Variants in CHN1 observed in about 807,000 individuals in gnomAD.
CHN1 encodes the protein chimerin 1.
A neutral mutation model predicts 59.5 loss-of-function variants in CHN1; 37 were observed. The observed-to-expected ratio is 0.62, with a 90% CI of 0.48 to 0.82. The LOEUF (loss-of-function observed/expected upper bound fraction) is 0.82. Among genes scored for constraint, CHN1 ranks in the 40% least tolerant of loss-of-function variants. CHN1 has a pLI of 0.00. For synonymous variants in CHN1, 206 were observed against 200.4 expected (o/e 1.03, Z -0.24); for missense variants, 469 against 571.0 (o/e 0.82, Z 1.82).
intron 3 of CHN1, among the ~76,000 whole-genome samples, chr2:174,939,303 G>A (rs963259581): frequency 6.6e-6 from 1 of 152,038 alleles, no homozygotes; most frequent in Non-Finnish European, 1.5e-5. Context: ...TTGATTTATC[G>A]TACCTTAATG....
chr2:174,931,130 T>TA (rs1408289171), intron 3 of CHN1, among the ~76,000 whole-genome samples: 2 of 114,504 alleles, frequency 1.7e-5, no homozygotes, highest in African/African-American at 7.6e-5. Flanking sequence ...AAGAAATATA[T>TA]GGCAAAAAAA....
chr2:174,909,757 G>T (rs1470833288), intron 5 of CHN1, among the ~76,000 whole-genome samples: 1 of 152,156 alleles, frequency 6.6e-6, no homozygotes, highest in African/African-American at 2.4e-5. Context: ...AATAACTTAT[G>T]TCTAAGTGAG....
At chr2:174,980,619 G>C (rs1691116196) in intron 1 of CHN1, among the ~76,000 whole-genome samples, 1 of 152,182 alleles carries the variant, frequency 6.6e-6, no homozygotes, top group Admixed American at 6.5e-5. Flanking sequence ...ATTCAGGTGA[G>C]ATATGCCTGG....
At chr2:174,805,066 G>T (rs1490693581) in intron 11 of CHN1, among the ~76,000 whole-genome samples, 1 of 152,148 alleles carries the variant, frequency 6.6e-6, no homozygotes, top group African/African-American at 2.4e-5. Context: ...AGACAAAATG[G>T]AATGTATTCA....
chr2:174,876,984 T>C (rs745457113), intron 6 of CHN1, among the ~76,000 whole-genome samples: 6 of 152,206 alleles, frequency 3.9e-5, no homozygotes, highest in Non-Finnish European at 7.3e-5. Flanking sequence ...TTGCATTTCT[T>C]TGGTTTAGCA....
At chr2:174,993,247 A>G (rs560939838) in intron 1 of CHN1, among the ~76,000 whole-genome samples, 61 of 151,062 alleles carry the variant, frequency 4.0e-4, no homozygotes, top group Admixed American at 7.3e-4. Flanking sequence ...CACCCCCACA[A>G]CCTGCTTCAT....
chr2:174,815,782 A>C (rs962713023), intron 8 of CHN1, among the ~76,000 whole-genome samples: 7 of 152,050 alleles, frequency 4.6e-5, no homozygotes, highest in Admixed American at 6.5e-5. Flanking sequence ...GTAATTCTGA[A>C]TGGTATCTTT....
At chr2:174,998,966 A>G (rs1691799123) in intron 1 of CHN1, among the ~76,000 whole-genome samples, 1 of 152,186 alleles carries the variant, frequency 6.6e-6, no homozygotes, top group Admixed American at 6.5e-5. Context: ...AAAGTGTACA[A>G]TGTAGTGGTT....
At chr2:174,804,492 C>G (rs1684824503) in intron 11 of CHN1, among the ~76,000 whole-genome samples, 1 of 152,178 alleles carries the variant, frequency 6.6e-6, no homozygotes, top group African/African-American at 2.4e-5. Flanking sequence ...TAGTGGAAAA[C>G]AGACTGTGGA....
intron 6 of CHN1, among the ~76,000 whole-genome samples, chr2:174,865,431 A>G (rs1324015925): frequency 6.6e-6 from 1 of 152,170 alleles, no homozygotes; most frequent in Non-Finnish European, 1.5e-5. Flanking sequence ...AAAATAGAGG[A>G]TGCACTATTA....
chr2:174,844,885 A>G (rs1321606733), intron 7 of CHN1, among the ~76,000 whole-genome samples: 20 of 152,208 alleles, frequency 1.3e-4, no homozygotes, highest in Non-Finnish European at 5.9e-5. Flanking sequence ...TTGAGCATAA[A>G]TACTCTAAGA....
intron 5 of CHN1, among the ~76,000 whole-genome samples, chr2:174,906,181 C>G (rs1220371204): frequency 2.0e-5 from 3 of 152,050 alleles, no homozygotes; most frequent in Admixed American, 6.5e-5. Flanking sequence ...TTCATAATAA[C>G]ATTATTTACA....
At chr2:174,824,555 G>A in intron 7 of CHN1, 37 bp from the exon 8 acceptor site, 2 of 1,356,754 alleles carry the variant, frequency 1.5e-6, no homozygotes, top group Non-Finnish European at 2.1e-6. Flanking sequence ...CAGGAAAGGG[G>A]AAACACACGG....
intron 3 of CHN1, among the ~76,000 whole-genome samples, chr2:174,922,539 A>T (rs920830400): frequency 1.3e-5 from 2 of 152,118 alleles, no homozygotes; most frequent in Admixed American, 1.3e-4. Context: ...AAATATTTTT[A>T]AATATTTTTT....
At chr2:174,976,848 C>T (rs1400633549) in intron 1 of CHN1, among the ~76,000 whole-genome samples, 1 of 152,158 alleles carries the variant, frequency 6.6e-6, no homozygotes, top group Non-Finnish European at 1.5e-5. Context: ...TATACACACA[C>T]CTGTCTTTGG....
At chr2:174,811,695 A>G in intron 9 of CHN1, 107 bp from the exon 10 acceptor site, 2 of 628,520 alleles carry the variant, frequency 3.2e-6, no homozygotes, top group Non-Finnish European at 5.5e-6. Flanking sequence ...TAAAATATAC[A>G]TGTTTAGAAA....
chr2:174,885,601 C>T (rs1187271772), intron 5 of CHN1, among the ~76,000 whole-genome samples: 2 of 151,996 alleles, frequency 1.3e-5, no homozygotes, highest in Non-Finnish European at 2.9e-5. Flanking sequence ...TTCAAGTAAT[C>T]CCGAGTAGCT....
At chr2:174,989,235 G>C (rs550486010) in intron 1 of CHN1, among the ~76,000 whole-genome samples, 21 of 151,926 alleles carry the variant, frequency 1.4e-4, no homozygotes, top group Non-Finnish European at 2.2e-4. Flanking sequence ...AATTAGCCAG[G>C]TGTGGTGGCG....
At position 174,808,912 on chromosome 2, in the gene CHN1, T is replaced by G; in HGVS notation, c.1095A>C (p.Glu365Asp). The G allele has an allele frequency of 6.2e-7, 1 of 1,613,670 alleles. No homozygotes were observed. Among genetic ancestry groups the G allele is most frequent in the Non-Finnish European group, 8.5e-7 (1 of 1,179,728 alleles). The stretch of plus-strand genomic sequence containing the variant: ...ACATGCATTCATACTTACTGGCAGA[T>G]TCTATAAACTTAGGGTAGGCATCAT... The part of the protein sequence containing the change: ...ITYDAYPKFI[E>D]SAKIMDPDEQ... Residue 365 changes from glutamate (E) to aspartate (D), a missense_variant, in exon 11 of 13, where the codon GAA (glutamate) becomes GAC (aspartate). This residue lies in a region of CHN1 where 225 missense variants were observed against 289.9 expected (regional missense o/e 0.78). Transcript: ENST00000409900.
Sources: gnomAD v4.1 joint callset for allele counts (sites outside exome capture counted in the v4.1 genomes callset) on GRCh38, gnomAD v4.1.1 for gene constraint, gnomAD v4.1.1 regional missense constraint, MANE v1.5 for transcripts, NCBI Gene and HGNC (gene_info 2026-07-23, HGNC 2026-07-21) for gene names.